Variants in RBFOX1 observed in about 807,000 individuals in gnomAD.
RBFOX1 encodes the protein RNA binding protein fox-1 homolog 1.
Under a neutral mutation model 57.7 loss-of-function variants are expected in RBFOX1, and 8 were observed. The ratio of observed to expected loss-of-function variants is 0.14; its 90% CI spans 0.08 to 0.25. The LOEUF is 0.25. Ranked by LOEUF, RBFOX1 falls within the 10% of genes least tolerant of loss-of-function variation. RBFOX1 has a pLI of 1.00. For synonymous variants in RBFOX1, 326 were observed against 222.4 expected, an observed-to-expected ratio of 1.47 and a Z score of -4.15; for missense variants, 611 against 548.5, an observed-to-expected ratio of 1.11 and a Z score of -1.14.
At chr16:5,903,668 C>G (rs1235093630) in intron 4 of RBFOX1, among the ~76,000 whole-genome samples, 1 of 152,124 alleles carries the variant, frequency 6.6e-6, no homozygotes, top group African/African-American at 2.4e-5. Context: ...GGGGGCACCT[C>G]TAATAGTAAA....
At chr16:7,196,945 A>G (rs1379506008) in intron 4 of RBFOX1, among the ~76,000 whole-genome samples, 1 of 152,208 alleles carries the variant, frequency 6.6e-6, no homozygotes, top group African/African-American at 2.4e-5. Flanking sequence ...GTTATCTGAA[A>G]TATATAAATC....
intron 5 of RBFOX1, among the ~76,000 whole-genome samples, chr16:7,562,453 A>G (rs929989458): frequency 2.0e-5 from 3 of 152,118 alleles, no homozygotes; most frequent in African/African-American, 7.2e-5. Flanking sequence ...GTTGGAAGCA[A>G]TGACCATTGG....
intron 1 of RBFOX1, among the ~76,000 whole-genome samples, chr16:5,416,875 C>T (rs999067767): frequency 6.6e-6 from 1 of 152,130 alleles, no homozygotes; most frequent in Admixed American, 6.6e-5. Context: ...TGCGGCATAA[C>T]CCAGCCCATC....
At chr16:6,851,223 A>C (rs975472912) in intron 3 of RBFOX1, among the ~76,000 whole-genome samples, 1 of 152,122 alleles carries the variant, frequency 6.6e-6, no homozygotes, top group African/African-American at 2.4e-5. Context: ...AGCATTCTTG[A>C]GTTTAAAATT....
At chr16:7,077,656 C>T (rs1197313595) in intron 4 of RBFOX1, among the ~76,000 whole-genome samples, 2 of 152,150 alleles carry the variant, frequency 1.3e-5, no homozygotes, top group Non-Finnish European at 2.9e-5. Context: ...TAGCAACTTA[C>T]CATATTAGTG....
rs148924700 is a variant in RBFOX1, at chr16:5,850,220, C to T, written c.319-17083C>T. ...ATAAGCGGAGGGGATGCTGCTTGGCCGAAGCATGAGGGAGGGAGAAAAGTG... is the reference window on the plus strand; with the variant it reads ...ATAAGCGGAGGGGATGCTGCTTGGCTGAAGCATGAGGGAGGGAGAAAAGTG... On this transcript the variant is annotated intron_variant, in intron 3 of 19. Coordinates refer to the RBFOX1 transcript ENST00000641259. Among the ~76,000 whole-genome samples, 4 of 152,112 alleles carry T rather than the reference C, an allele frequency of 2.6e-5. No homozygotes were observed. In the South Asian group the frequency reaches 6.2e-4, roughly 24 times the overall value.
At chr16:7,037,464 C>G (rs1246806551) in intron 3 of RBFOX1, among the ~76,000 whole-genome samples, 3 of 151,988 alleles carry the variant, frequency 2.0e-5, no homozygotes, top group African/African-American at 4.8e-5. Context: ...GTTCATAAAC[C>G]TCTGACAATT....
At chr16:7,564,874 A>G (rs12445627) in intron 5 of RBFOX1, among the ~76,000 whole-genome samples, 76,046 of 152,012 alleles carry the variant, frequency 0.5, 19,464 homozygotes, top group Admixed American at 0.59. Flanking sequence ...TTCTCCTTTC[A>G]GAGGAATTTC....
At chr16:7,430,997 A>G (rs2098674020) in intron 4 of RBFOX1, among the ~76,000 whole-genome samples, 1 of 152,176 alleles carries the variant, frequency 6.6e-6, no homozygotes, top group African/African-American at 2.4e-5. Context: ...GTTGTATGGT[A>G]GTTTTGCTTT....
At chr16:6,694,366 T>C (rs2060705279) in intron 3 of RBFOX1, among the ~76,000 whole-genome samples, 1 of 152,222 alleles carries the variant, frequency 6.6e-6, no homozygotes, top group South Asian at 2.1e-4. Flanking sequence ...ATGTAGATTA[T>C]ATCCACAGTT....
chr16:7,156,936 C>G (rs552340739), intron 4 of RBFOX1, among the ~76,000 whole-genome samples: 16 of 152,246 alleles, frequency 1.1e-4, no homozygotes, highest in African/African-American at 3.4e-4. Context: ...ATGTGATAAC[C>G]TGTTCTCTTT....
intron 4 of RBFOX1, among the ~76,000 whole-genome samples, chr16:7,076,142 A>G (rs1050827202): frequency 2.6e-5 from 4 of 151,380 alleles, no homozygotes; most frequent in Non-Finnish European, 4.4e-5. Flanking sequence ...CCCGGGTTCA[A>G]GTGATTCCCC....
intron 4 of RBFOX1, among the ~76,000 whole-genome samples, chr16:7,195,415 C>G (rs995954242): frequency 5.9e-5 from 9 of 152,260 alleles, no homozygotes; most frequent in African/African-American, 2.2e-4. Context: ...AGGAGGTGAT[C>G]ATTATTACAC....
chr16:6,804,570 T>A (rs145328475), intron 3 of RBFOX1, among the ~76,000 whole-genome samples: 170 of 152,280 alleles, frequency 1.1e-3, no homozygotes, highest in African/African-American at 4.0e-3. Flanking sequence ...GTGGCTACTG[T>A]GGAAGCTAGG....
At chr16:7,649,216 TA>T (rs200176275) in intron 11 of RBFOX1, among the ~76,000 whole-genome samples, 4 of 151,350 alleles carry the variant, frequency 2.6e-5, no homozygotes, top group African/African-American at 4.9e-5. Flanking sequence ...TTATATAGGA[TA>T]AAAAAAAATA....
intron 3 of RBFOX1, among the ~76,000 whole-genome samples, chr16:6,820,020 T>G (rs1414395791): frequency 6.6e-6 from 1 of 152,160 alleles, no homozygotes; most frequent in Non-Finnish European, 1.5e-5. Context: ...AATCCCCATA[T>G]GTCATGGGAG....
intron 2 of RBFOX1, among the ~76,000 whole-genome samples, chr16:5,470,402 CTG>C (rs2069095354): frequency 1.3e-5 from 2 of 152,218 alleles, no homozygotes; most frequent in African/African-American, 4.8e-5. Flanking sequence ...GTTGGGAAGT[CTG>C]TGCAGTTTCT....
At chr16:6,768,270 T>A (rs953685530) in intron 3 of RBFOX1, among the ~76,000 whole-genome samples, 1 of 152,148 alleles carries the variant, frequency 6.6e-6, no homozygotes, top group Admixed American at 6.5e-5. Flanking sequence ...TTTTTCCTGT[T>A]TTTGCTTTTT....
intron 1 of RBFOX1, among the ~76,000 whole-genome samples, chr16:6,281,689 C>G (rs189501440): frequency 6.8e-4 from 104 of 152,232 alleles, no homozygotes; most frequent in African/African-American, 2.3e-3. Context: ...GACGTAATAA[C>G]AACACTATTC....
Sources: allele counts gnomAD v4.1 joint callset (sites outside exome capture counted in the v4.1 genomes callset), GRCh38; gene constraint gnomAD v4.1.1; transcripts MANE v1.5; gene names NCBI Gene and HGNC (gene_info 2026-07-23, HGNC 2026-07-21).